Variants in CACNA2D3 observed in about 807,000 individuals in gnomAD.
The protein encoded by CACNA2D3 is voltage-dependent calcium channel subunit alpha-2/delta-3.
CACNA2D3 carries 60 observed loss-of-function variants against 160.6 expected under a neutral mutation model. The ratio of observed to expected loss-of-function variants is 0.37; its 90% CI spans 0.30 to 0.46. CACNA2D3 has a LOEUF of 0.46. Among genes scored for constraint, CACNA2D3 ranks in the 20% least tolerant of loss-of-function variants. The pLI, the probability that CACNA2D3 is intolerant of heterozygous loss-of-function variation, is 1.00. For synonymous variants in CACNA2D3, 558 were observed against 492.9 expected (o/e 1.13, Z -1.75); for missense variants, 1,205 against 1,365.0 (o/e 0.88, Z 1.85).
chr3:54,687,354 T>C (rs1700485173), intron 11 of CACNA2D3, among the ~76,000 whole-genome samples: 2 of 149,636 alleles, frequency 1.3e-5, no homozygotes, highest in South Asian at 4.2e-4. Flanking sequence ...GGTTTCACCA[T>C]GTTGGCCAGG....
At chr3:54,979,075 C>CT (rs952392675) in intron 29 of CACNA2D3, among the ~76,000 whole-genome samples, 13 of 151,998 alleles carry the variant, frequency 8.6e-5, no homozygotes, top group Non-Finnish European at 1.8e-4. Flanking sequence ...TCAGATAAGA[C>CT]TTTTTTTTAA....
At chr3:54,549,812 A>G (rs1261542220) in intron 5 of CACNA2D3, among the ~76,000 whole-genome samples, 1 of 152,204 alleles carries the variant, frequency 6.6e-6, no homozygotes, top group Non-Finnish European at 1.5e-5. Flanking sequence ...TATATTAAAT[A>G]TCAATAAAAA....
Position 54,681,527 on chromosome 3 carries a change from A to C in CACNA2D3, c.1167+39286A>C, listed in dbSNP as rs1313953213. Among the ~76,000 whole-genome samples the C allele has an allele frequency of 1.2e-4, 18 of 150,160 alleles. No homozygotes were observed. The East Asian group carries it at 3.5e-3, about 29-fold the overall frequency. ...GCCAAGATCGCATTCACTGCACTCCAGCCTGGGCGACAGAGTGAGACTCCA... is the reference window on the plus strand; with the variant it reads ...GCCAAGATCGCATTCACTGCACTCCCGCCTGGGCGACAGAGTGAGACTCCA... On this transcript the variant is annotated intron_variant, in intron 11 of 37. Coordinates refer to ENST00000474759, the MANE Select transcript of CACNA2D3 (RefSeq NM_018398.3).
At chr3:54,423,100 G>T (rs1044758229) in intron 4 of CACNA2D3, among the ~76,000 whole-genome samples, 20 of 152,120 alleles carry the variant, frequency 1.3e-4, no homozygotes, top group African/African-American at 4.6e-4. Context: ...AGTTAAAAGG[G>T]AAACTGATCA....
chr3:54,772,758 T>G (rs1353682436), intron 13 of CACNA2D3, among the ~76,000 whole-genome samples: 4 of 152,158 alleles, frequency 2.6e-5, no homozygotes, highest in Admixed American at 6.5e-5. Context: ...TCATTATCTC[T>G]TAGGTGCAGA....
chr3:54,483,150 A>G (rs1285524094), intron 4 of CACNA2D3, among the ~76,000 whole-genome samples: 1 of 152,152 alleles, frequency 6.6e-6, no homozygotes, highest in Non-Finnish European at 1.5e-5. Flanking sequence ...AGGATAGAAA[A>G]TTGCTGGAGG....
rs568681732 is a variant in CACNA2D3 at position 54,687,141 on chromosome 3, T to G, written c.1167+44900T>G. Among the ~76,000 whole-genome samples the G allele has an allele frequency of 5.3e-4, 38 of 72,316 alleles. 1 individual carries two copies. The South Asian group carries it at 7.4e-3, about 14-fold the overall frequency. The allele number at this position is 72,316 out of a possible 152,430, so 47.4% of individuals were successfully genotyped here. ...TTTTTCTTTTTTTTTTTTTGTTTTT[T>G]TTTTTTTTTGTTTTTTTGACACTGG... On this transcript the variant is annotated intron_variant, in intron 11 of 37. Coordinates refer to ENST00000474759, the MANE Select transcript of CACNA2D3 (RefSeq NM_018398.3).
At chr3:54,714,972 C>T (rs568992365) in intron 11 of CACNA2D3, among the ~76,000 whole-genome samples, 21 of 152,324 alleles carry the variant, frequency 1.4e-4, no homozygotes, top group African/African-American at 4.8e-4. Context: ...ACACACCAAG[C>T]AATCAACTGT....
At chr3:54,210,123 G>A (rs1008485226) in intron 2 of CACNA2D3, among the ~76,000 whole-genome samples, 6 of 152,150 alleles carry the variant, frequency 3.9e-5, no homozygotes, top group Non-Finnish European at 5.9e-5. Context: ...TTGTTAGAAG[G>A]TTATAAGTGA....
rs1700406878 is a variant in CACNA2D3, at chr3:54,904,309, CAG to C, written c.2449+4442_2449+4443del. Among the ~76,000 whole-genome samples, 4 of 152,304 alleles carry C rather than the reference CAG, an allele frequency of 2.6e-5. No individual in the cohort carries two copies. The South Asian group carries it at 8.3e-4, about 32-fold the overall frequency. On this transcript the variant is annotated intron_variant, in intron 27 of 37. Transcript: ENST00000474759. ...GTCATAGGCACCGCATCTACCATATCAGGGTAGAAATGACCTGGTACAAAGAA... is the reference window on the plus strand; with the variant it reads ...GTCATAGGCACCGCATCTACCATATCGGTAGAAATGACCTGGTACAAAGAA...
At position 54,274,686 on chromosome 3, in the gene CACNA2D3, A is replaced by T. The variant is rs887073079; in HGVS notation, c.205-45756A>T. 2.0e-5 allele frequency among the ~76,000 whole-genome samples: 3 copies of T among 152,214 alleles called. No homozygotes were observed. The East Asian group carries it at 5.8e-4, about 29-fold the overall frequency. On this transcript the variant is annotated intron_variant, in intron 2 of 37. Transcript: ENST00000474759. ...AGGTTCTCTGTCCAGGATCTCTGACAGGCTGCACTCAAGGTGTCAGCGGAC... is the reference window on the plus strand; with the variant it reads ...AGGTTCTCTGTCCAGGATCTCTGACTGGCTGCACTCAAGGTGTCAGCGGAC...
At chr3:54,923,376 C>T (rs1019812837) in intron 27 of CACNA2D3, among the ~76,000 whole-genome samples, 21 of 152,110 alleles carry the variant, frequency 1.4e-4, no homozygotes, top group Admixed American at 2.0e-4. Flanking sequence ...ACTATTCCTT[C>T]CCCCAGTTAT....
chr3:54,672,492 G>A (rs184294330), intron 11 of CACNA2D3, among the ~76,000 whole-genome samples: 140 of 152,332 alleles, frequency 9.2e-4, no homozygotes, highest in African/African-American at 2.9e-3. Flanking sequence ...CTTCTCTGAA[G>A]TGTGCTGATG....
intron 35 of CACNA2D3, among the ~76,000 whole-genome samples, chr3:55,066,417 C>G (rs2107227309): frequency 6.6e-6 from 1 of 152,200 alleles, no homozygotes; most frequent in East Asian, 1.9e-4. Context: ...AGTTTTGTAC[C>G]CATTTAATGA....
At chr3:54,459,458 G>A (rs1454409303) in intron 4 of CACNA2D3, among the ~76,000 whole-genome samples, 26 of 149,382 alleles carry the variant, frequency 1.7e-4, no homozygotes, top group Admixed American at 3.3e-4. Context: ...TTTAATGATC[G>A]CCATTCTAAC....
At chr3:54,187,916 T>C (rs534546542) in intron 2 of CACNA2D3, among the ~76,000 whole-genome samples, 1 of 152,206 alleles carries the variant, frequency 6.6e-6, no homozygotes, top group East Asian at 1.9e-4. Flanking sequence ...CACAGACCAG[T>C]ACCGTGGTCC....
At chr3:54,209,723 G>A (rs1242897437) in intron 2 of CACNA2D3, among the ~76,000 whole-genome samples, 1 of 152,130 alleles carries the variant, frequency 6.6e-6, no homozygotes, top group African/African-American at 2.4e-5. Context: ...TTATATTAAT[G>A]GAACATAACC....
intron 35 of CACNA2D3, among the ~76,000 whole-genome samples, chr3:55,073,074 A>G (rs1486827827): frequency 6.6e-6 from 1 of 152,154 alleles, no homozygotes; most frequent in African/African-American, 2.4e-5. Context: ...AGGAACATCA[A>G]ATGTAACTTG....
intron 27 of CACNA2D3, among the ~76,000 whole-genome samples, chr3:54,934,340 G>A (rs995666938): frequency 2.6e-5 from 4 of 152,210 alleles, no homozygotes; most frequent in Non-Finnish European, 5.9e-5. Flanking sequence ...GAGCCGTTCA[G>A]TGGAGAACCA....
Sources: gnomAD v4.1 joint callset for allele counts (sites outside exome capture counted in the v4.1 genomes callset) on GRCh38, gnomAD v4.1.1 for gene constraint, MANE v1.5 for transcripts, NCBI Gene and HGNC (gene_info 2026-07-23, HGNC 2026-07-21) for gene names.